The following JPH4 variants were observed in gnomAD, a reference collection of about 807,000 sequenced individuals.
The protein encoded by JPH4 is junctophilin-4.
A neutral mutation model predicts 57.6 loss-of-function variants in JPH4; 18 were observed. That is an observed-to-expected ratio of 0.31 (90% CI 0.22 to 0.46). JPH4 has a LOEUF of 0.46. JPH4 is among the 20% of genes least tolerant of loss of function. The pLI is 1.00. For synonymous variants in JPH4, 425 were observed against 406.6 expected (o/e 1.05, Z -0.54); for missense variants, 727 against 911.1 (o/e 0.80, Z 2.60).
In JPH4 at chr14:23,569,936, C is replaced by T. The variant is rs564398754; in HGVS notation, c.1804-219G>A. 3.3e-5 allele frequency among the ~76,000 whole-genome samples: 5 copies of T among 152,316 alleles called. No individual in the cohort carries two copies. Among genetic ancestry groups the T allele is most frequent in the Admixed American group, 6.5e-5 (1 of 15,308 alleles). ...TTCAATGCAGGGACAGCCCTTCCAC[C>T]TCCTCCCTCTAGTCCCCTCCCATCA... is the stretch of plus-strand genomic sequence containing the variant. On this transcript the variant is annotated intron_variant, in intron 5 of 5. Transcript: ENST00000356300. This position sits in a 1 kb window ranked among gnomAD's most constrained non-coding sequence, Gnocchi z 4.8.
chr14:23,574,923 C>T (rs1456422442), intron 3 of JPH4: 1 of 185,082 alleles, frequency 5.4e-6, no homozygotes, highest in Admixed American at 6.2e-5. Context: ...AGGTGTGTGC[C>T]ACAATGTCTG....
intron 5 of JPH4, among the ~76,000 whole-genome samples, chr14:23,570,411 A>T (rs1020342614): frequency 7.8e-6 from 1 of 128,434 alleles, no homozygotes; most frequent in Admixed American, 9.5e-5. Flanking sequence ...TCGCTCTGTC[A>T]CCCAGGCTAG....
intron 3 of JPH4, chr14:23,572,912 T>C (rs950470196): frequency 1.4e-6 from 1 of 702,522 alleles, no homozygotes; most frequent in Non-Finnish European, 2.6e-6. Flanking sequence ...CTCCCTGTGA[T>C]GTCAGATGCT....
At position 23,575,672 on chromosome 14, in the gene JPH4, A is replaced by G; in HGVS notation, c.1151+13T>C. ...CTCTTAGCCCAGCTTTGGCCTCTGA[A>G]CTGGACGCCCACCTGGCAGCGGCGA... On this transcript the variant is annotated intron_variant, in intron 3 of 5. Coordinates refer to ENST00000356300, the MANE Select transcript of JPH4 (RefSeq NM_001146028.2). The surrounding 1 kb of genome is among the most constrained non-coding windows in gnomAD (Gnocchi z 6.9). 6.3e-7 allele frequency: 1 copy of G among 1,593,180 alleles called. No individual in the cohort carries two copies. The highest frequency in any genetic ancestry group is 8.5e-7 in the Non-Finnish European group (1 of 1,171,694).
In JPH4 at chr14:23,577,574, G is replaced by C. The variant is rs1050631765; in HGVS notation, c.-121C>G. On this transcript the variant is annotated 5_prime_UTR_variant, in exon 2 of 6. Transcript: ENST00000356300. This position sits in a 1 kb window ranked among gnomAD's most constrained non-coding sequence, Gnocchi z 8.4. ...GCGGGGGCAGTTAGACCGGGGCCGG[G>C]CGGGGGGGCCCCAGCGAGGGCAGGC... is the stretch of plus-strand genomic sequence containing the variant. The C allele has an allele frequency of 3.2e-5, 27 of 844,808 alleles. No individual in the cohort carries two copies. The highest frequency in any genetic ancestry group is 3.3e-6 in the Non-Finnish European group (2 of 605,592). 52.3% of individuals were successfully genotyped at this position (844,808 alleles called of 1,614,324 possible).
In JPH4 at chr14:23,576,086, G is replaced by T. The variant is rs1595395888; in HGVS notation, c.750C>A (p.Ser250Arg). 1 of 1,301,318 alleles carries T rather than the reference G, an allele frequency of 7.7e-7. No individual in the cohort carries two copies. Among genetic ancestry groups the T allele is most frequent in the Non-Finnish European group, 9.7e-7 (1 of 1,028,928 alleles). The allele number at this position is 1,301,318 out of a possible 1,614,324, so 80.6% of individuals were successfully genotyped here. ...KRGSLRSEVS[S>R]EVGSTGPPGS... Reference sequence around the variant, plus strand: ...CGGGCGGTCCGGTGCTGCCCACCTCGCTGCTCACCTCGCTGCGCAGGGAGC... The same window carrying T: ...CGGGCGGTCCGGTGCTGCCCACCTCTCTGCTCACCTCGCTGCGCAGGGAGC... The change falls in exon 3 of 6, where the codon AGC becomes AGA. Residue 250 changes from serine to arginine, a missense_variant. Coordinates refer to ENST00000356300, the MANE Select transcript of JPH4 (RefSeq NM_001146028.2). This position sits in a 1 kb window ranked among gnomAD's most constrained non-coding sequence, Gnocchi z 8.0.
In JPH4 at chr14:23,569,847, C is replaced by T. The variant is rs1010437040; in HGVS notation, c.1804-130G>A. 2 of 626,694 alleles carry T rather than the reference C, an allele frequency of 3.2e-6. No homozygotes were observed. Among genetic ancestry groups the T allele is most frequent in the African/African-American group, 1.9e-5 (1 of 53,712 alleles). 38.8% of individuals were successfully genotyped at this position (626,694 alleles called of 1,614,324 possible). On this transcript the variant is annotated intron_variant, in intron 5 of 5. Coordinates refer to ENST00000356300, the MANE Select transcript of JPH4 (RefSeq NM_001146028.2). The surrounding 1 kb of genome is among the most constrained non-coding windows in gnomAD (Gnocchi z 4.8). ...CAGCCTGGAGCAGGGGGATCGCCAA[C>T]ATTTGTTTTGGATTGCAAAACCCCC... is the stretch of plus-strand genomic sequence containing the variant.
At position 23,575,670 on chromosome 14, in the gene JPH4, G is replaced by T; in HGVS notation, c.1151+15C>A. ...TCCTCTTAGCCCAGCTTTGGCCTCT[G>T]AACTGGACGCCCACCTGGCAGCGGC... On this transcript the variant is annotated intron_variant, in intron 3 of 5. Coordinates refer to ENST00000356300, the MANE Select transcript of JPH4 (RefSeq NM_001146028.2). The surrounding 1 kb of genome is among the most constrained non-coding windows in gnomAD (Gnocchi z 6.9). The T allele has an allele frequency of 6.3e-7, 1 of 1,591,628 alleles. No homozygotes were observed. Among genetic ancestry groups the T allele is most frequent in the Non-Finnish European group, 8.5e-7 (1 of 1,170,928 alleles).
In JPH4 at chr14:23,569,165, C is replaced by T. The variant is rs1401993294; in HGVS notation, c.*469G>A. On this transcript the variant is annotated 3_prime_UTR_variant, in exon 6 of 6. Transcript: ENST00000356300. The surrounding 1 kb of genome is among the most constrained non-coding windows in gnomAD (Gnocchi z 4.8). ...AGGCTAGGGAGCCACAGCAGCTCAG[C>T]CAGTGCCTTGCCCGACATTCAATCA... The T allele has an allele frequency of 5.0e-6, 1 of 198,258 alleles. No individual in the cohort carries two copies. Among genetic ancestry groups the T allele is most frequent in the South Asian group, 7.3e-5 (1 of 13,702 alleles). 12.3% of individuals were successfully genotyped at this position (198,258 alleles called of 1,614,324 possible).
chr14:23,578,460 A>C lies in JPH4; in HGVS notation c.-452T>G, dbSNP rs12889516. Reference sequence around the variant, plus strand: ...ATAGGGAAGAAGAGCTGGGAGCTGGATGCAAAGGGGGAGGGGGCTCTCAAG... The same window carrying C: ...ATAGGGAAGAAGAGCTGGGAGCTGGCTGCAAAGGGGGAGGGGGCTCTCAAG... On this transcript the variant is annotated 5_prime_UTR_variant, in exon 1 of 6. Coordinates refer to ENST00000356300, the MANE Select transcript of JPH4 (RefSeq NM_001146028.2). 34,764 of 148,680 alleles carry C rather than the reference A, an allele frequency of 0.23. 5,017 individuals are homozygous for C. The highest frequency in any genetic ancestry group is 0.32 in the Non-Finnish European group (21,189 of 67,010). 9.2% of individuals were successfully genotyped at this position (148,680 alleles called of 1,614,324 possible).
chr14:23,573,958 A>ACG (rs1391681883), intron 3 of JPH4, among the ~76,000 whole-genome samples: 14 of 151,720 alleles, frequency 9.2e-5, no homozygotes, highest in African/African-American at 3.4e-4. Flanking sequence ...ACACACACAC[A>ACG]CACACACACA....
chr14:23,575,591 G>A lies in JPH4; in HGVS notation c.1151+94C>T, dbSNP rs1889250524. On this transcript the variant is annotated intron_variant, in intron 3 of 5. Coordinates refer to ENST00000356300, the MANE Select transcript of JPH4 (RefSeq NM_001146028.2). The surrounding 1 kb of genome is among the most constrained non-coding windows in gnomAD (Gnocchi z 6.9). ...CTTGCAATAGCAGGCCCTAGGCCTT[G>A]GGCCTTGGGCCTCCCTTAGGCACAC... 6.8e-7 allele frequency: 1 copy of A among 1,477,270 alleles called. No individual in the cohort carries two copies. The highest frequency in any genetic ancestry group is 1.7e-4 in the Middle Eastern group (1 of 5,892). 91.5% of individuals were successfully genotyped at this position (1,477,270 alleles called of 1,614,324 possible).
Position 23,575,020 on chromosome 14 carries a change from T to C in JPH4, c.1151+665A>G, listed in dbSNP as rs1169385088. On this transcript the variant is annotated intron_variant, in intron 3 of 5. Coordinates refer to ENST00000356300, the MANE Select transcript of JPH4 (RefSeq NM_001146028.2). This position sits in a 1 kb window ranked among gnomAD's most constrained non-coding sequence, Gnocchi z 6.9. ...AATATTCCTGTTAGACAGCACTGCTTTAGATAGCAAGGTTCCTGATGCAAG... is the reference window on the plus strand; with the variant it reads ...AATATTCCTGTTAGACAGCACTGCTCTAGATAGCAAGGTTCCTGATGCAAG... The C allele has an allele frequency of 6.5e-6, 1 of 154,010 alleles. No homozygotes were observed. The highest frequency in any genetic ancestry group is 2.4e-5 in the African/African-American group (1 of 41,480). The allele number at this position is 154,010 out of a possible 1,614,324, so 9.5% of individuals were successfully genotyped here. A position where few individuals can be genotyped will look rare whatever the true frequency, so the allele number is the denominator to read the frequency against.
In JPH4 at chr14:23,576,185, T is replaced by C. The variant is rs1889268309; in HGVS notation, c.651A>G (p.Gly217=). ...TGAGCAGCAGCGAACGGCGAAAGAATCCGCCGGCCGCCGGAGTGCGCTTTC... is the reference window on the plus strand; with the variant it reads ...TGAGCAGCAGCGAACGGCGAAAGAACCCGCCGGCCGCCGGAGTGCGCTTTC... ...SSRKRTPAAG[G]FFRRSLLLSG... The change falls in exon 3 of 6, where the codon GGA becomes GGG. Residue 217 remains glycine, a synonymous_variant. Transcript: ENST00000356300. The surrounding 1 kb of genome is among the most constrained non-coding windows in gnomAD (Gnocchi z 8.0). The C allele has an allele frequency of 1.5e-6, 2 of 1,297,208 alleles. No homozygotes were observed. The highest frequency in any genetic ancestry group is 2.0e-6 in the Non-Finnish European group (2 of 1,021,232). The allele number at this position is 1,297,208 out of a possible 1,614,324, so 80.4% of individuals were successfully genotyped here.
In JPH4 at chr14:23,569,562, G is replaced by T; in HGVS notation, c.*72C>A. 2.1e-6 allele frequency: 2 copies of T among 946,718 alleles called. No homozygotes were observed. The highest frequency in any genetic ancestry group is 3.4e-6 in the Non-Finnish European group (2 of 594,792). The allele number at this position is 946,718 out of a possible 1,614,324, so 58.6% of individuals were successfully genotyped here. ...GGAGAAAACACAGCCAGGAAGAGGA[G>T]AAGAGAAAAAAGGCAGGTCAAAGGG... On this transcript the variant is annotated 3_prime_UTR_variant, in exon 6 of 6. Transcript: ENST00000356300. This position sits in a 1 kb window ranked among gnomAD's most constrained non-coding sequence, Gnocchi z 4.8.
chr14:23,572,431 A>G (rs1566678849), intron 3 of JPH4, among the ~76,000 whole-genome samples: 1 of 151,642 alleles, frequency 6.6e-6, no homozygotes, highest in Non-Finnish European at 1.5e-5. Flanking sequence ...AGGGTCCTGT[A>G]CCTTGATCCT....
At position 23,577,701 on chromosome 14, in the gene JPH4, T is replaced by C. The variant is rs938555120; in HGVS notation, c.-171-77A>G. On this transcript the variant is annotated intron_variant, in intron 1 of 5. Coordinates refer to ENST00000356300, the MANE Select transcript of JPH4 (RefSeq NM_001146028.2). The surrounding 1 kb of genome is among the most constrained non-coding windows in gnomAD (Gnocchi z 8.4). Reference sequence around the variant, plus strand: ...GCCCGCCGCTCCCTGGCCCGGTGGCTCTGGGGCATCAGCGCCGCCCCCCAA... The same window carrying C: ...GCCCGCCGCTCCCTGGCCCGGTGGCCCTGGGGCATCAGCGCCGCCCCCCAA... The C allele has an allele frequency of 1.0e-5, 4 of 386,652 alleles. No homozygotes were observed. Among genetic ancestry groups the C allele is most frequent in the African/African-American group, 8.3e-5 (4 of 48,044 alleles). 24.0% of individuals were successfully genotyped at this position (386,652 alleles called of 1,614,324 possible). A position where few individuals can be genotyped will look rare whatever the true frequency, so the allele number is the denominator to read the frequency against.
Position 23,576,655 on chromosome 14 carries a change from G to T in JPH4, c.380-199C>A, listed in dbSNP as rs909716238. Among the ~76,000 whole-genome samples, 1 of 152,284 alleles carries T rather than the reference G, an allele frequency of 6.6e-6. No individual in the cohort carries two copies. Among genetic ancestry groups the T allele is most frequent in the African/African-American group, 2.4e-5 (1 of 41,566 alleles). On this transcript the variant is annotated intron_variant, in intron 2 of 5. Transcript: ENST00000356300. This position sits in a 1 kb window ranked among gnomAD's most constrained non-coding sequence, Gnocchi z 8.0. Reference sequence around the variant, plus strand: ...AGTGTGGGAGAGCAGAGTGAAGACGGGCAGGTAGCAGGAGCCCTACGTGGA... The same window carrying T: ...AGTGTGGGAGAGCAGAGTGAAGACGTGCAGGTAGCAGGAGCCCTACGTGGA...
At position 23,571,071 on chromosome 14, in the gene JPH4, G is replaced by C. The variant is rs767937104; in HGVS notation, c.1660C>G (p.Pro554Ala). ...EEEGEDEEPL[P>A]PLRAPAGTEP... is the part of the protein sequence containing the mutation. ...GTGCCTGCTGGGGCCCTCAGCGGGG[G>C]CAGGGGCTCTTCATCCTCCCCCTCC... The change falls in exon 5 of 6, where the codon CCC (proline) becomes GCC (alanine). Residue 554 changes from proline to alanine, a missense_variant. Pro to Ala is a conservative substitution (Grantham distance 27). Around this residue, in one of 7 missense-constraint regions of JPH4, gnomAD observed 293 missense variants for 279.8 expected, o/e 1.05. Coordinates refer to ENST00000356300, the MANE Select transcript of JPH4 (RefSeq NM_001146028.2). This position sits in a 1 kb window ranked among gnomAD's most constrained non-coding sequence, Gnocchi z 4.6. 4 of 1,612,468 alleles carry C rather than the reference G, an allele frequency of 2.5e-6. No homozygotes were observed. In the African/African-American group the frequency reaches 4.0e-5, roughly 16 times the overall value.
Sources: allele counts gnomAD v4.1 joint callset (sites outside exome capture counted in the v4.1 genomes callset), GRCh38; gene constraint gnomAD v4.1.1; regional missense constraint gnomAD v4.1.1; non-coding constraint Gnocchi (gnomAD v3.1); transcripts MANE v1.5; gene names NCBI Gene and HGNC (gene_info 2026-07-23, HGNC 2026-07-21).